The following RYR2 variants were observed in gnomAD, a reference collection of about 807,000 sequenced individuals.
RYR2 encodes ryanodine receptor 2, also known as cardiac muscle ryanodine receptor-calcium release channel.
In RYR2, 227 loss-of-function variants were observed where a neutral mutation model predicts 601.1. The observed-to-expected ratio is 0.38, with a 90% CI of 0.34 to 0.42. RYR2 has a LOEUF of 0.42. RYR2 is among the 10% of genes least tolerant of loss of function. The pLI, the probability that RYR2 is intolerant of heterozygous loss-of-function variation, is 1.00. For synonymous variants in RYR2, 2,223 were observed against 2,175.1 expected, an observed-to-expected ratio of 1.02 and a Z score of -0.61; for missense variants, 4,646 against 6,156.5, an observed-to-expected ratio of 0.75 and a Z score of 8.21.
intron 102 of RYR2, 89 bp downstream of exon 102, chr1:237,828,534 G>A (rs1663411678): frequency 3.5e-6 from 3 of 855,080 alleles, no homozygotes; most frequent in Admixed American, 4.9e-5. Context: ...ATGAATGTGG[G>A]AAGGAGGAGG....
intron 2 of RYR2, among the ~76,000 whole-genome samples, chr1:237,323,599 G>C (rs921916382): frequency 6.6e-6 from 1 of 152,212 alleles, no homozygotes; most frequent in Non-Finnish European, 1.5e-5. Flanking sequence ...TATTATGAAA[G>C]ATGCATGTCA....
intron 1 of RYR2, among the ~76,000 whole-genome samples, chr1:237,152,031 T>C (rs539783628): frequency 6.6e-6 from 1 of 151,908 alleles, no homozygotes; most frequent in East Asian, 1.9e-4. Flanking sequence ...CAGGCCCCAG[T>C]GTGTGTTGTT....
intron 2 of RYR2, among the ~76,000 whole-genome samples, chr1:237,292,020 C>T (rs1032595241): frequency 2.1e-4 from 32 of 152,060 alleles, no homozygotes; most frequent in African/African-American, 7.5e-4. Context: ...GTGTAGGGGG[C>T]AGAGGTATAT....
chr1:237,527,277 G>A lies in RYR2; in HGVS notation c.2823-3150G>A, dbSNP rs540701239. Among the ~76,000 whole-genome samples the A allele has an allele frequency of 8.5e-3, 1,290 of 152,216 alleles. 18 individuals carry two copies. Among genetic ancestry groups the A allele is most frequent in the African/African-American group, 0.029 (1,215 of 41,544 alleles). The stretch of plus-strand genomic sequence containing the variant: ...TGCTTAGGATTGCCTTGGCTATTCG[G>A]ACTCTTTTTTGATTCCATGTGAACT... On this transcript the variant is annotated intron_variant, in intron 24 of 104. Coordinates refer to ENST00000366574, the MANE Select transcript of RYR2 (RefSeq NM_001035.3).
At chr1:237,227,313 G>A (rs1205993806) in intron 1 of RYR2, among the ~76,000 whole-genome samples, 2 of 152,168 alleles carry the variant, frequency 1.3e-5, no homozygotes, top group Non-Finnish European at 2.9e-5. Flanking sequence ...ATTTCACAAT[G>A]TGTACATAGA....
At chr1:237,170,764 A>G (rs1016661773) in intron 1 of RYR2, among the ~76,000 whole-genome samples, 1 of 152,198 alleles carries the variant, frequency 6.6e-6, no homozygotes, top group African/African-American at 2.4e-5. Flanking sequence ...GGCTGGAGGA[A>G]GACATGGCTG....
intron 80 of RYR2, among the ~76,000 whole-genome samples, chr1:237,746,586 A>T (rs1282619041): frequency 5.3e-5 from 8 of 152,152 alleles, no homozygotes. Flanking sequence ...AACGTGCCTG[A>T]TTTAACCTGA....
At chr1:237,779,388 A>G (rs1224571900) in intron 88 of RYR2, among the ~76,000 whole-genome samples, 2 of 152,218 alleles carry the variant, frequency 1.3e-5, no homozygotes, top group Non-Finnish European at 2.9e-5. Context: ...AAGATACACA[A>G]ACAGAAAAGT....
intron 76 of RYR2, among the ~76,000 whole-genome samples, chr1:237,728,164 G>A (rs1490958161): frequency 6.6e-6 from 1 of 152,034 alleles, no homozygotes; most frequent in South Asian, 2.1e-4. Context: ...CATTCAGTAA[G>A]AGTTTGAGTG....
intron 54 of RYR2, 69 bp downstream of exon 54, chr1:237,658,091 AC>A: frequency 1.1e-6 from 1 of 874,572 alleles, no homozygotes; most frequent in Non-Finnish European, 1.7e-6. Context: ...AATATTTCTG[AC>A]CATGACAGTT....
intron 84 of RYR2, among the ~76,000 whole-genome samples, chr1:237,766,282 G>C (rs1342422811): frequency 6.6e-6 from 1 of 152,118 alleles, no homozygotes; most frequent in East Asian, 1.9e-4. Context: ...CTAGAATTGA[G>C]TTCCTAACGT....
At chr1:237,257,231 C>T (rs112633470) in intron 1 of RYR2, among the ~76,000 whole-genome samples, 37 of 152,232 alleles carry the variant, frequency 2.4e-4, no homozygotes, top group African/African-American at 8.4e-4. Flanking sequence ...CGACCACCTG[C>T]GCATCCATGA....
intron 2 of RYR2, among the ~76,000 whole-genome samples, chr1:237,287,666 G>A (rs1170350060): frequency 6.6e-6 from 1 of 152,122 alleles, no homozygotes; most frequent in Non-Finnish European, 1.5e-5. Flanking sequence ...ATTTTTGATT[G>A]TTTTTTCTTT....
At chr1:237,359,996 T>G (rs1455314558) in intron 4 of RYR2, among the ~76,000 whole-genome samples, 2 of 152,330 alleles carry the variant, frequency 1.3e-5, no homozygotes, top group East Asian at 1.9e-4. Context: ...GAGTGATGTC[T>G]TACACATGTA....
chr1:237,716,835 G>A (rs12081586), intron 71 of RYR2, among the ~76,000 whole-genome samples: 13,061 of 151,756 alleles, frequency 0.086, 1,660 homozygotes, highest in African/African-American at 0.28. Flanking sequence ...ACAAAAATAA[G>A]CCCTTTATTC....
At chr1:237,489,295 T>C (rs1468905855) in intron 17 of RYR2, among the ~76,000 whole-genome samples, 5 of 152,112 alleles carry the variant, frequency 3.3e-5, no homozygotes, top group African/African-American at 4.8e-5. Flanking sequence ...ACATCTCCAA[T>C]CACCAGAGAG....
At chr1:237,743,635 T>C (rs776715282) in intron 80 of RYR2, 2 of 518,454 alleles carry the variant, frequency 3.9e-6, no homozygotes, top group African/African-American at 3.8e-5. Flanking sequence ...TAAAACTATA[T>C]ATATGTGTGT....
chr1:237,269,224 G>A (rs1434237933), intron 1 of RYR2, among the ~76,000 whole-genome samples: 1 of 151,394 alleles, frequency 6.6e-6, no homozygotes, highest in Non-Finnish European at 1.5e-5. Context: ...TGTATTTTTG[G>A]TAGAGACAGG....
chr1:237,507,642 G>A (rs1382335187), intron 23 of RYR2, among the ~76,000 whole-genome samples: 1 of 152,104 alleles, frequency 6.6e-6, no homozygotes, highest in Non-Finnish European at 1.5e-5. Flanking sequence ...TCAGTGTTTT[G>A]CATTCTTGCA....
Sources: allele counts gnomAD v4.1 joint callset (sites outside exome capture counted in the v4.1 genomes callset), GRCh38; gene constraint gnomAD v4.1.1; transcripts MANE v1.5; gene names NCBI Gene and HGNC (gene_info 2026-07-23, HGNC 2026-07-21).